Variants in ELOVL7 observed in about 807,000 individuals in gnomAD.
ELOVL7 encodes very long chain fatty acid elongase 7.
ELOVL7 carries 27 observed loss-of-function variants against 35.7 expected under a neutral mutation model. The observed-to-expected ratio is 0.76, with a 90% CI of 0.56 to 1.04. ELOVL7 has a LOEUF of 1.04. Among genes scored for constraint, ELOVL7 ranks in the 50% least tolerant of loss-of-function variants. ELOVL7 has a pLI of 0.00. For synonymous variants in ELOVL7, 113 were observed against 114.6 expected (o/e 0.99, Z 0.09); for missense variants, 327 against 340.8 (o/e 0.96, Z 0.32).
At chr5:60,807,987 C>A (rs1191329887) in intron 1 of ELOVL7, among the ~76,000 whole-genome samples, 1 of 101,642 alleles carries the variant, frequency 9.8e-6, no homozygotes, top group African/African-American at 3.6e-5. Context: ...CGTGAGACTC[C>A]GTCTCAAAAA....
chr5:60,763,014 A>C (rs1368489048), intron 7 of ELOVL7, among the ~76,000 whole-genome samples: 1 of 152,234 alleles, frequency 6.6e-6, no homozygotes, highest in Non-Finnish European at 1.5e-5. Context: ...GGATAAGTAA[A>C]ATAATGGAGA....
At chr5:60,840,741 A>T (rs9291697) in intron 1 of ELOVL7, among the ~76,000 whole-genome samples, 7,255 of 152,288 alleles carry the variant, frequency 0.048, 585 homozygotes, top group African/African-American at 0.17. Flanking sequence ...AACCATAAAA[A>T]TGACCATACT....
At chr5:60,768,575 G>C (rs917806267) in intron 4 of ELOVL7, 1 of 409,394 alleles carries the variant, frequency 2.4e-6, no homozygotes, top group Admixed American at 2.7e-5. Context: ...ATCCAAGGCT[G>C]ATGTGACAAG....
intron 3 of ELOVL7, among the ~76,000 whole-genome samples, chr5:60,778,718 T>C (rs1743059424): frequency 6.6e-6 from 1 of 152,190 alleles, no homozygotes; most frequent in Non-Finnish European, 1.5e-5. Context: ...ATTCTGTCCC[T>C]GGGCCCTCCC....
chr5:60,783,543 T>C (rs534460618), intron 3 of ELOVL7, among the ~76,000 whole-genome samples: 1 of 152,314 alleles, frequency 6.6e-6, no homozygotes, highest in African/African-American at 2.4e-5. Context: ...AAGTTAATTC[T>C]GACTCTGTTT....
chr5:60,822,849 G>A (rs543407781), intron 1 of ELOVL7, among the ~76,000 whole-genome samples: 38 of 152,180 alleles, frequency 2.5e-4, no homozygotes, highest in Admixed American at 4.6e-4. Context: ...GAAGAGGGAG[G>A]CAGGGATGAA....
chr5:60,821,292 C>T (rs577154623), intron 1 of ELOVL7, among the ~76,000 whole-genome samples: 30 of 152,348 alleles, frequency 2.0e-4, no homozygotes, highest in African/African-American at 7.0e-4. Context: ...TGCTGGACTT[C>T]TAACCCCAAT....
intron 1 of ELOVL7, among the ~76,000 whole-genome samples, chr5:60,839,416 C>T (rs1561479872): frequency 6.6e-6 from 1 of 152,074 alleles, no homozygotes. Flanking sequence ...ATTTCACTTG[C>T]CAATGTAATA....
At chr5:60,775,897 G>A (rs1012218502) in intron 3 of ELOVL7, among the ~76,000 whole-genome samples, 1 of 152,036 alleles carries the variant, frequency 6.6e-6, no homozygotes. Context: ...CCTAACCTAG[G>A]AAACACTCTT....
rs12188996 is a variant in ELOVL7, at chr5:60,782,022, A to C, written c.64+5312T>G. Among the ~76,000 whole-genome samples, 1,426 of 152,360 alleles carry C rather than the reference A, an allele frequency of 9.4e-3. 11 individuals are homozygous for C. Among genetic ancestry groups the C allele is most frequent in the Non-Finnish European group, 0.017 (1,123 of 68,036 alleles). ...ATTTAAAAGTCAAATTGCAAAAAACAACCTTGGTCCAATTGAATCAGAATC... is the reference window on the plus strand; with the variant it reads ...ATTTAAAAGTCAAATTGCAAAAAACCACCTTGGTCCAATTGAATCAGAATC... On this transcript the variant is annotated intron_variant, in intron 3 of 8. Transcript: ENST00000508821.
chr5:60,754,081 G>A lies in ELOVL7; in HGVS notation c.*543C>T, dbSNP rs913774176. 8 of 152,494 alleles carry A rather than the reference G, an allele frequency of 5.2e-5. No homozygotes were observed. The highest frequency in any genetic ancestry group is 1.9e-4 in the African/African-American group (8 of 41,426). 9.4% of individuals were successfully genotyped at this position (152,494 alleles called of 1,614,324 possible). A position where few individuals can be genotyped will look rare whatever the true frequency, so the allele number is the denominator to read the frequency against. On this transcript the variant is annotated 3_prime_UTR_variant, in exon 9 of 9. Transcript: ENST00000508821. Reference sequence around the variant, plus strand: ...TATCATTAATGATTTTAAATGACAAGTTATCAAAAACTCACTCAATTTTCA... The same window carrying A: ...TATCATTAATGATTTTAAATGACAAATTATCAAAAACTCACTCAATTTTCA...
intron 1 of ELOVL7, among the ~76,000 whole-genome samples, chr5:60,822,702 G>A (rs1264678141): frequency 2.0e-5 from 3 of 152,126 alleles, no homozygotes; most frequent in South Asian, 2.1e-4. Context: ...AAAGACAAAC[G>A]CCTGGAGAAT....
intron 3 of ELOVL7, chr5:60,784,030 C>T: frequency 2.6e-6 from 2 of 768,780 alleles, no homozygotes; most frequent in South Asian, 1.5e-5. Flanking sequence ...TTATTACTAG[C>T]TTAATAATTC....
intron 1 of ELOVL7, among the ~76,000 whole-genome samples, chr5:60,824,897 C>G (rs988575691): frequency 6.6e-6 from 1 of 152,142 alleles, no homozygotes; most frequent in Admixed American, 6.6e-5. Flanking sequence ...ATGGGCTCCA[C>G]GGCCTTACAT....
At chr5:60,819,552 T>G (rs918462329) in intron 1 of ELOVL7, among the ~76,000 whole-genome samples, 6 of 151,822 alleles carry the variant, frequency 4.0e-5, no homozygotes, top group South Asian at 4.2e-4. Context: ...GAGGCCGAGG[T>G]GGGTGGATCA....
intron 1 of ELOVL7, among the ~76,000 whole-genome samples, 154 bp from the exon 2 acceptor site, chr5:60,799,384 A>G (rs896524282): frequency 1.3e-5 from 2 of 152,134 alleles, no homozygotes. Flanking sequence ...TAAAAAGATC[A>G]CCAAAACTAA....
At chr5:60,806,350 A>C (rs531034388) in intron 1 of ELOVL7, among the ~76,000 whole-genome samples, 2 of 152,220 alleles carry the variant, frequency 1.3e-5, no homozygotes, top group Non-Finnish European at 2.9e-5. Context: ...AACTTGAAGA[A>C]AAATCCAGAA....
At chr5:60,836,432 C>T (rs952564299) in intron 1 of ELOVL7, among the ~76,000 whole-genome samples, 1 of 152,044 alleles carries the variant, frequency 6.6e-6, no homozygotes, top group African/African-American at 2.4e-5. Context: ...ATCAGCTGTG[C>T]TTTCTAGCTA....
At chr5:60,757,409 T>C (rs1741606449) in intron 8 of ELOVL7, 100 bp downstream of exon 8, 12 of 1,265,238 alleles carry the variant, frequency 9.5e-6, no homozygotes, top group Non-Finnish European at 1.3e-5. Context: ...ACCCCTATTG[T>C]TTTGTCTTTC....
Sources: allele counts gnomAD v4.1 joint callset (sites outside exome capture counted in the v4.1 genomes callset), GRCh38; gene constraint gnomAD v4.1.1; transcripts MANE v1.5; gene names NCBI Gene and HGNC (gene_info 2026-07-23, HGNC 2026-07-21).